GGA2: variants seen among roughly 807,000 people sequenced by gnomAD.
GGA2 encodes ADP-ribosylation factor-binding protein GGA2.
GGA2 carries 48 observed loss-of-function variants against 79.5 expected under a neutral mutation model. The observed-to-expected ratio is 0.60, with a 90% CI of 0.48 to 0.77. The LOEUF is 0.77. GGA2 is among the 30% of genes least tolerant of loss of function. The probability of loss-of-function intolerance (pLI) is 0.00; values close to 1 mark genes in which losing one functional copy is unlikely to be tolerated. For synonymous variants in GGA2, 317 were observed against 302.0 expected (o/e 1.05, Z -0.51); for missense variants, 770 against 774.0 (o/e 0.99, Z 0.06).
intron 13 of GGA2, among the ~76,000 whole-genome samples, chr16:23,477,781 T>TGCCTTCC (rs1964593513): frequency 6.6e-6 from 1 of 152,074 alleles, no homozygotes; most frequent in African/African-American, 2.4e-5. Context: ...ACATGCCTTT[T>TGCCTTCC]GCCTTCCGCC....
intron 14 of GGA2, among the ~76,000 whole-genome samples, chr16:23,471,712 C>G (rs1260407911): frequency 6.6e-6 from 1 of 152,040 alleles, no homozygotes; most frequent in Non-Finnish European, 1.5e-5. Context: ...CCAGCCTGGG[C>G]AATACAGTGA....
At chr16:23,512,700 C>CTTTTT (rs34027000), upstream of GGA2, among the ~76,000 whole-genome samples, 12 of 55,926 alleles carry the variant, frequency 2.1e-4, no homozygotes, top group East Asian at 1.3e-3. Context: ...TAAAGAAAAT[C>CTTTTT]TTTTTTTTTT....
chr16:23,520,137 C>G (rs1965127664), intron 1 of GGA2, among the ~76,000 whole-genome samples: 1 of 151,838 alleles, frequency 6.6e-6, no homozygotes. Flanking sequence ...CCTGTAATCC[C>G]AGCTACTTGG....
chr16:23,488,303 G>A (rs1411988925), intron 6 of GGA2, among the ~76,000 whole-genome samples: 2 of 79,392 alleles, frequency 2.5e-5, no homozygotes, highest in South Asian at 3.4e-4. Flanking sequence ...GGAGGAGCAG[G>A]AATTATGTCC....
At chr16:23,524,300 CT>C, upstream of GGA2, 4 of 1,385,572 alleles carry the variant, frequency 2.9e-6, no homozygotes. Flanking sequence ...AGGCCTCCTT[CT>C]GGTCTCTGAA....
At chr16:23,504,366 A>G (rs1025226558) in intron 1 of GGA2, among the ~76,000 whole-genome samples, 7 of 152,334 alleles carry the variant, frequency 4.6e-5, no homozygotes, top group African/African-American at 1.4e-4. Context: ...CCTTGAAGGC[A>G]AAAAGCAGGC....
chr16:23,495,580 A>G (rs1228783671), intron 2 of GGA2, 114 bp downstream of exon 2: 2 of 522,504 alleles, frequency 3.8e-6, no homozygotes, highest in Non-Finnish European at 6.8e-6. Context: ...TATAGGCATG[A>G]GCCACCGATC....
intron 1 of GGA2, chr16:23,501,292 GATTGTCCTTGGAGCC>G (rs1964919091): frequency 2.2e-6 from 1 of 456,746 alleles, no homozygotes; most frequent in Non-Finnish European, 4.4e-6. Context: ...ATTGGAAAAA[GATTGTCCTTGGAGCC>G]ATGCTTCTTG....
intron 8 of GGA2, among the ~76,000 whole-genome samples, chr16:23,484,138 T>G (rs1964683399): frequency 6.6e-6 from 1 of 150,866 alleles, no homozygotes; most frequent in African/African-American, 2.4e-5. Flanking sequence ...CCAGGCACAG[T>G]GGCTCACACC....
intron 5 of GGA2, among the ~76,000 whole-genome samples, chr16:23,489,370 G>A (rs921789760): frequency 6.6e-6 from 1 of 152,148 alleles, no homozygotes; most frequent in African/African-American, 2.4e-5. Context: ...AAGTAGCTGG[G>A]ACTACAGGTG....
exon 1 of GGA2, chr16:23,521,933 C>A: frequency 2.0e-5 from 8 of 410,208 alleles, no homozygotes; most frequent in Non-Finnish European, 3.9e-5. Context: ...TTGCCTCGTA[C>A]TATAACCTCG....
chr16:23,510,193 C>T, intron 1 of GGA2, 128 bp downstream of exon 1: 1 of 465,992 alleles, frequency 2.1e-6, no homozygotes, highest in Non-Finnish European at 3.5e-6. Flanking sequence ...CCGCGCCGGG[C>T]CCAGGCCCCC....
upstream of GGA2, among the ~76,000 whole-genome samples, chr16:23,513,532 C>G (rs1023915852): frequency 2.0e-5 from 3 of 152,008 alleles, no homozygotes; most frequent in Non-Finnish European, 4.4e-5. Context: ...ACCTGTAATC[C>G]CAGCACTTTG....
intron 1 of GGA2, among the ~76,000 whole-genome samples, chr16:23,499,145 CTTT>C (rs34195789): frequency 3.7e-5 from 5 of 134,634 alleles, no homozygotes; most frequent in Admixed American, 7.6e-5. Flanking sequence ...CGGGCACCAC[CTTT>C]TTTTTTTTTT....
At chr16:23,491,890 G>C (rs914863564) in intron 4 of GGA2, 90 bp from the exon 5 acceptor site, 1 of 865,674 alleles carries the variant, frequency 1.2e-6, no homozygotes, top group Non-Finnish European at 1.9e-6. Flanking sequence ...GAGGCCCAGA[G>C]ACACAAGCTC....
At chr16:23,505,147 T>C (rs573898101) in intron 1 of GGA2, among the ~76,000 whole-genome samples, 13 of 151,904 alleles carry the variant, frequency 8.6e-5, no homozygotes, top group Non-Finnish European at 1.6e-4. Context: ...ACCCCAAGAG[T>C]CCGGCAATCA....
At chr16:23,489,171 C>A (rs1468295092) in intron 5 of GGA2, among the ~76,000 whole-genome samples, 1 of 152,180 alleles carries the variant, frequency 6.6e-6, no homozygotes, top group East Asian at 1.9e-4. Context: ...ACAGGACACA[C>A]AAAGGTGGGA....
chr16:23,479,993 G>A lies in GGA2; in HGVS notation c.1007-106C>T, dbSNP rs538837035. The A allele has an allele frequency of 3.6e-5, 35 of 960,404 alleles. 1 individual carries two copies. Among genetic ancestry groups the A allele is most frequent in the East Asian group, 2.1e-4 (8 of 37,570 alleles). The allele number at this position is 960,404 out of a possible 1,614,324, so 59.5% of individuals were successfully genotyped here. On this transcript the variant is annotated intron_variant, in intron 10 of 16. Coordinates refer to ENST00000309859, the MANE Select transcript of GGA2 (RefSeq NM_015044.4). Reference sequence around the variant, plus strand: ...GACCACCTCCTAATCAAATGGTAACGCCCTCCCTGCCCTTCCAAGAACCTT... The same window carrying A: ...GACCACCTCCTAATCAAATGGTAACACCCTCCCTGCCCTTCCAAGAACCTT...
At chr16:23,490,862 C>T (rs1341773902) in intron 5 of GGA2, among the ~76,000 whole-genome samples, 2 of 151,962 alleles carry the variant, frequency 1.3e-5, no homozygotes, top group African/African-American at 4.8e-5. Context: ...ATTTTTCAAA[C>T]TCTAGCTCAT....
Sources: allele counts gnomAD v4.1 joint callset (sites outside exome capture counted in the v4.1 genomes callset), GRCh38; gene constraint gnomAD v4.1.1; transcripts MANE v1.5; gene names NCBI Gene and HGNC (gene_info 2026-07-23, HGNC 2026-07-21).